The following GRHL2 variants were observed in gnomAD, a reference collection of about 807,000 sequenced individuals.
GRHL2 encodes the protein grainyhead like transcription factor 2, also known as grainyhead-like protein 2 homolog.
GRHL2 carries 21 observed loss-of-function variants against 83.8 expected under a neutral mutation model. That is an observed-to-expected ratio of 0.25 (90% CI 0.18 to 0.36). GRHL2 has a LOEUF of 0.36. Among genes scored for constraint, GRHL2 ranks in the 10% least tolerant of loss-of-function variants. The pLI, the probability that GRHL2 is intolerant of heterozygous loss-of-function variation, is 1.00. For synonymous variants in GRHL2, 280 were observed against 278.9 expected, an observed-to-expected ratio of 1.00 and a Z score of -0.04; for missense variants, 623 against 781.8, an observed-to-expected ratio of 0.80 and a Z score of 2.42.
chr8:101,582,425 A>G (rs1442788287), intron 7 of GRHL2, among the ~76,000 whole-genome samples: 3 of 152,158 alleles, frequency 2.0e-5, no homozygotes, highest in Non-Finnish European at 4.4e-5. Context: ...AAAGGCTTGT[A>G]TTTTTTAAGG....
chr8:101,499,095 G>A (rs1810169906), intron 1 of GRHL2, among the ~76,000 whole-genome samples: 1 of 151,202 alleles, frequency 6.6e-6, no homozygotes, highest in Non-Finnish European at 1.5e-5. Context: ...AAAAGTACTT[G>A]GATAAATCAA....
intron 5 of GRHL2, 56 bp downstream of exon 5, chr8:101,570,450 G>C: frequency 7.4e-7 from 1 of 1,350,628 alleles, no homozygotes; most frequent in East Asian, 2.3e-5. Context: ...ACCTTTAAAT[G>C]TACCTTCGAG....
At chr8:101,622,217 A>G (rs1441833359) in intron 9 of GRHL2, among the ~76,000 whole-genome samples, 1 of 152,252 alleles carries the variant, frequency 6.6e-6, no homozygotes, top group Non-Finnish European at 1.5e-5. Flanking sequence ...TCAGAAGACA[A>G]TGATATTTAA....
At chr8:101,509,139 TTCCTTCCTTCCTTC>T (rs1810402749) in intron 1 of GRHL2, among the ~76,000 whole-genome samples, 2 of 79,178 alleles carry the variant, frequency 2.5e-5, no homozygotes, top group East Asian at 2.3e-4. Flanking sequence ...CCTTCCTTCC[TTCCTTCCTTCCTTC>T]CTTCCTTTCT....
At chr8:101,598,096 A>G (rs186102561) in intron 7 of GRHL2, among the ~76,000 whole-genome samples, 1 of 152,326 alleles carries the variant, frequency 6.6e-6, no homozygotes, top group East Asian at 1.9e-4. Flanking sequence ...AATATATATA[A>G]ACACATTTAT....
chr8:101,533,932 A>T (rs1810989588), intron 1 of GRHL2, among the ~76,000 whole-genome samples: 1 of 152,200 alleles, frequency 6.6e-6, no homozygotes, highest in Non-Finnish European at 1.5e-5. Context: ...CTGGTAGGTC[A>T]TTGTAACAAC....
At chr8:101,628,023 T>G (rs1164854319) in intron 9 of GRHL2, among the ~76,000 whole-genome samples, 1 of 152,148 alleles carries the variant, frequency 6.6e-6, no homozygotes, top group Non-Finnish European at 1.5e-5. Flanking sequence ...AAGATTAAAC[T>G]GCAAGTGCTG....
chr8:101,670,341 A>ATTC (rs931700184), downstream of GRHL2, among the ~76,000 whole-genome samples: 3 of 152,352 alleles, frequency 2.0e-5, no homozygotes, highest in East Asian at 3.9e-4. Flanking sequence ...GCATTTCTAC[A>ATTC]TTCTTCTACA....
At chr8:101,569,476 A>G (rs928793451) in intron 4 of GRHL2, among the ~76,000 whole-genome samples, 1 of 152,258 alleles carries the variant, frequency 6.6e-6, no homozygotes, top group Non-Finnish European at 1.5e-5. Context: ...CTTTTTTAAG[A>G]AAATAGGGTC....
intron 4 of GRHL2, 113 bp downstream of exon 4, chr8:101,558,925 A>T: frequency 8.4e-7 from 1 of 1,189,406 alleles, no homozygotes. Context: ...TTTTAGCTTC[A>T]ATTAGTTTTT....
chr8:101,675,228 G>A, the GRHL2 span, among the ~76,000 whole-genome samples: 8 of 152,256 alleles, frequency 5.3e-5, no homozygotes, highest in Non-Finnish European at 7.3e-5. Context: ...GCAGAAGAAG[G>A]AAATGAAGGC....
intron 7 of GRHL2, 36 bp downstream of exon 7, chr8:101,577,555 T>A: frequency 7.4e-7 from 1 of 1,351,844 alleles, no homozygotes; most frequent in African/African-American, 1.4e-5. Flanking sequence ...TAGTCCTCGA[T>A]AAACTGACAT....
chr8:101,574,843 G>A (rs530095852), intron 6 of GRHL2, among the ~76,000 whole-genome samples: 5 of 152,192 alleles, frequency 3.3e-5, no homozygotes, highest in Admixed American at 1.3e-4. Context: ...ATCTTCAAGC[G>A]CCAGGTATTG....
At chr8:101,539,031 G>A (rs945596939) in intron 1 of GRHL2, among the ~76,000 whole-genome samples, 1 of 152,182 alleles carries the variant, frequency 6.6e-6, no homozygotes, top group African/African-American at 2.4e-5. Flanking sequence ...TTTGTGCTAG[G>A]AAAGATGAAA....
At chr8:101,677,192 C>A in the GRHL2 span, among the ~76,000 whole-genome samples, 1 of 144,016 alleles carries the variant, frequency 6.9e-6, no homozygotes, top group Non-Finnish European at 1.5e-5. Context: ...TGCACATGTA[C>A]CCTAAAACTT....
intron 4 of GRHL2, among the ~76,000 whole-genome samples, chr8:101,566,011 C>A (rs1172023331): frequency 6.6e-6 from 1 of 152,174 alleles, no homozygotes; most frequent in Non-Finnish European, 1.5e-5. Context: ...CCCTATCCAA[C>A]TTAATTGATT....
intron 12 of GRHL2, among the ~76,000 whole-genome samples, chr8:101,642,731 G>A (rs940200221): frequency 4.6e-5 from 7 of 152,160 alleles, no homozygotes; most frequent in Non-Finnish European, 1.0e-4. Flanking sequence ...ACACTGAAGA[G>A]CATTTCTCAC....
At chr8:101,656,013 C>A (rs979340453) in intron 14 of GRHL2, among the ~76,000 whole-genome samples, 4 of 152,216 alleles carry the variant, frequency 2.6e-5, no homozygotes, top group African/African-American at 9.7e-5. Context: ...GGACAAGGCT[C>A]ACTTCTTCCA....
At chr8:101,661,443 G>A (rs1004646276) in intron 14 of GRHL2, among the ~76,000 whole-genome samples, 3 of 152,128 alleles carry the variant, frequency 2.0e-5, no homozygotes, top group Non-Finnish European at 4.4e-5. Context: ...AGATGCTCAA[G>A]TCCCTCATGT....
Sources: allele counts gnomAD v4.1 joint callset (sites outside exome capture counted in the v4.1 genomes callset), GRCh38; gene constraint gnomAD v4.1.1; transcripts MANE v1.5; gene names NCBI Gene and HGNC (gene_info 2026-07-23, HGNC 2026-07-21).